The following TMC5 variants were observed in gnomAD, a reference collection of about 807,000 sequenced individuals.
TMC5 encodes transmembrane channel like 5.
In TMC5, 86 loss-of-function variants were observed where a neutral mutation model predicts 110.5. The observed-to-expected ratio is 0.78, with a 90% confidence interval of 0.65 to 0.93. The LOEUF is 0.93. Ranked by LOEUF, TMC5 falls within the 40% of genes least tolerant of loss-of-function variation. TMC5 has a pLI of 0.00. For synonymous variants in TMC5, 455 were observed against 439.5 expected, an observed-to-expected ratio of 1.04 and a Z score of -0.44; for missense variants, 1,144 against 1,222.8, an observed-to-expected ratio of 0.94 and a Z score of 0.96.
intron 6 of TMC5, chr16:19,462,392 C>T (rs1253176791): frequency 5.0e-6 from 3 of 596,326 alleles, no homozygotes; most frequent in South Asian, 2.0e-5. Context: ...GGCAAAATCC[C>T]CCTAGGTTGA....
At position 19,469,769 on chromosome 16, in the gene TMC5, G is replaced by A; in HGVS notation, c.1726G>A (p.Val576Ile). The A allele has an allele frequency of 6.2e-7, 1 of 1,614,170 alleles. No individual in the cohort carries two copies. The highest frequency in any genetic ancestry group is 8.5e-7 in the Non-Finnish European group (1 of 1,180,010). Reference sequence around the variant, plus strand: ...GCTGATCTTTTGCTGGGACTTCACTGTCACTCATGAAAAAGCTGTGAAGCT... The same window carrying A: ...GCTGATCTTTTGCTGGGACTTCACTATCACTCATGAAAAAGCTGTGAAGCT... ...TKLIFCWDFT[V>I]THEKAVKLKQ... Residue 576 changes from valine (V) to isoleucine (I), a missense_variant, in exon 10 of 22, where the codon GTC becomes ATC. Coordinates refer to ENST00000542583, the MANE Select transcript of TMC5 (RefSeq NM_001261841.2).
In TMC5 at chr16:19,464,018, T is replaced by A; in HGVS notation, c.1479T>A (p.Thr493=). The change falls in exon 8 of 22, where the codon ACT becomes ACA. Residue 493 remains threonine, a synonymous_variant. Transcript: ENST00000542583. ...TLQFTGLEFF[T]GVGYFRDTVM... ...AGTTCACTGGGCTGGAGTTTTTCAC[T>A]GGGGTGGTAAGTCCTCCACTTCCCC... The A allele has an allele frequency of 6.2e-7, 1 of 1,613,954 alleles. No homozygotes were observed. The highest frequency in any genetic ancestry group is 8.5e-7 in the Non-Finnish European group (1 of 1,179,928).
chr16:19,481,758 C>T (rs1597211270), intron 15 of TMC5, among the ~76,000 whole-genome samples: 1 of 152,332 alleles, frequency 6.6e-6, no homozygotes, highest in East Asian at 1.9e-4. Context: ...TTAACCACTG[C>T]TATGGTCTCA....
At chr16:19,456,840 T>G (rs1047170966) in intron 5 of TMC5, 2 of 1,614,228 alleles carry the variant, frequency 1.2e-6, no homozygotes, top group Non-Finnish European at 1.7e-6. Flanking sequence ...AACATGGTTT[T>G]GTCAATATCT....
At chr16:19,474,012 T>C in intron 11 of TMC5, 113 bp from the exon 12 acceptor site, 3 of 985,804 alleles carry the variant, frequency 3.0e-6, no homozygotes, top group Non-Finnish European at 4.4e-6. Context: ...AGATAAATAG[T>C]TAACCGCAGA....
intron 12 of TMC5, among the ~76,000 whole-genome samples, chr16:19,475,502 C>T (rs1185579571): frequency 6.6e-6 from 1 of 152,146 alleles, no homozygotes; most frequent in Non-Finnish European, 1.5e-5. Flanking sequence ...TGCCTTACCA[C>T]GGTCTGTGAG....
Position 19,460,309 on chromosome 16 carries a change from A to C in TMC5, c.1123A>C (p.Thr375Pro). ...RIKAIRNQPR[T>P]MEEKRNLRKI... is the part of the protein sequence containing the mutation. Reference sequence around the variant, plus strand: ...TAAAGCCATCAGGAACCAGCCAAGGACCATGGAAGAGAAAAGGAACCTTAG... The same window carrying C: ...TAAAGCCATCAGGAACCAGCCAAGGCCCATGGAAGAGAAAAGGAACCTTAG... The change falls in exon 6 of 22, where the codon ACC becomes CCC. Residue 375 changes from threonine to proline, a missense_variant. Physicochemically the swap from Thr to Pro is conservative, Grantham distance 38 (BLOSUM62 -1). Coordinates refer to ENST00000542583, the MANE Select transcript of TMC5 (RefSeq NM_001261841.2). 6.2e-7 allele frequency: 1 copy of C among 1,613,736 alleles called. No individual in the cohort carries two copies. The highest frequency in any genetic ancestry group is 8.5e-7 in the Non-Finnish European group (1 of 1,179,722).
chr16:19,464,391 T>A (rs1285780370), intron 8 of TMC5, among the ~76,000 whole-genome samples: 2 of 152,012 alleles, frequency 1.3e-5, no homozygotes, highest in African/African-American at 4.8e-5. Context: ...CCCACTGCAC[T>A]CCAGCCTGGG....
At chr16:19,439,178 T>G (rs774252357) in intron 2 of TMC5, among the ~76,000 whole-genome samples, 7 of 152,292 alleles carry the variant, frequency 4.6e-5, no homozygotes, top group Non-Finnish European at 8.8e-5. Context: ...TAAAATATGT[T>G]AGGAGGTAGC....
intron 15 of TMC5, among the ~76,000 whole-genome samples, chr16:19,484,471 G>C (rs970920649): frequency 3.3e-5 from 5 of 151,972 alleles, no homozygotes; most frequent in African/African-American, 1.2e-4. Context: ...CAGGGTTTTC[G>C]AGGGGATTAA....
chr16:19,434,408 T>C (rs1050078649), intron 2 of TMC5, among the ~76,000 whole-genome samples: 1 of 132,662 alleles, frequency 7.5e-6, no homozygotes, highest in African/African-American at 2.9e-5. Flanking sequence ...ATATATATCA[T>C]ATATATCTAT....
intron 20 of TMC5, among the ~76,000 whole-genome samples, 164 bp downstream of exon 20, chr16:19,494,530 C>T (rs4421962): frequency 0.64 from 96,650 of 152,050 alleles, 32,281 homozygotes; most frequent in South Asian, 0.76. Context: ...TATTCATGGC[C>T]AGGTGCAGTG....
chr16:19,443,837 A>G (rs1433854445), intron 3 of TMC5, among the ~76,000 whole-genome samples: 1 of 151,892 alleles, frequency 6.6e-6, no homozygotes, highest in Non-Finnish European at 1.5e-5. Context: ...GGATGGGTAC[A>G]TGGATGGATG....
chr16:19,463,829 G>A lies in TMC5; in HGVS notation c.1290G>A (p.Leu430=), dbSNP rs1170492623. 7.4e-6 allele frequency: 12 copies of A among 1,614,222 alleles called. No individual in the cohort carries two copies. Among genetic ancestry groups the A allele is most frequent in the Non-Finnish European group, 1.0e-5 (12 of 1,180,020 alleles). Residue 430 remains leucine, a synonymous_variant, in exon 8 of 22, where the codon CTG becomes CTA. Transcript: ENST00000542583. The part of the protein sequence containing the change: ...SLSEILNSIS[L]WQKTLKIIGG... ...CGGAAATTCTGAATTCCATCAGCCTGTGGCAGAAGACGCTGAAGATCATTG... is the reference window on the plus strand; with the variant it reads ...CGGAAATTCTGAATTCCATCAGCCTATGGCAGAAGACGCTGAAGATCATTG...
intron 15 of TMC5, among the ~76,000 whole-genome samples, chr16:19,486,462 C>T (rs956822851): frequency 1.3e-4 from 20 of 152,212 alleles, no homozygotes; most frequent in African/African-American, 3.6e-4. Context: ...CTGCAACCTC[C>T]GCCTCCCAGG....
Position 19,444,193 on chromosome 16 carries a change from A to G in TMC5, c.901A>G (p.Met301Val). 6 of 1,614,094 alleles carry G rather than the reference A, an allele frequency of 3.7e-6. No homozygotes were observed. The South Asian group carries it at 6.6e-5, about 18-fold the overall frequency. ...DYPEGIEMAS[M>V]EMANSYGHSL... ...CCCTGAAGGCATTGAAATGGCATCC[A>G]TGGAGATGGCAAACTCATATGGCCA... Residue 301 changes from methionine to valine, a missense_variant, in exon 4 of 22, where the codon ATG becomes GTG. Transcript: ENST00000542583.
intron 20 of TMC5, among the ~76,000 whole-genome samples, chr16:19,496,838 C>T (rs1003116010): frequency 1.5e-5 from 2 of 137,488 alleles, no homozygotes; most frequent in Non-Finnish European, 1.5e-5. Context: ...TGCAGTGAGC[C>T]GAGATCATGC....
Position 19,444,181 on chromosome 16 carries a change from G to C in TMC5, c.889G>C (p.Glu297Gln), listed in dbSNP as rs905256690. 6.2e-7 allele frequency: 1 copy of C among 1,613,968 alleles called. No individual in the cohort carries two copies. Among genetic ancestry groups the C allele is most frequent in the African/African-American group, 1.3e-5 (1 of 74,930 alleles). ...AGAGAATGATTACCCTGAAGGCATT[G>C]AAATGGCATCCATGGAGATGGCAAA... ...WGENDYPEGI[E>Q]MASMEMANSY... The change falls in exon 4 of 22, where the codon GAA becomes CAA. Residue 297 changes from glutamate to glutamine, a missense_variant. Physicochemically the swap from Glu to Gln is conservative, Grantham distance 29. Transcript: ENST00000542583.
rs1253479229 is a variant in TMC5, at chr16:19,482,889, TA to T, written c.2363+1425del. 2.6e-5 allele frequency among the ~76,000 whole-genome samples: 4 copies of T among 152,238 alleles called. 1 individual carries two copies. The highest frequency in any genetic ancestry group is 2.1e-4 in the South Asian group (1 of 4,828). ...ATTTATTTATTTTTAATTTTCTTAT[TA>T]TTTTTTTGAGACAGAGTCTTGCTCT... On this transcript the variant is annotated intron_variant, in intron 15 of 21. Coordinates refer to ENST00000542583, the MANE Select transcript of TMC5 (RefSeq NM_001261841.2).
Sources: allele counts gnomAD v4.1 joint callset (sites outside exome capture counted in the v4.1 genomes callset), GRCh38; gene constraint gnomAD v4.1.1; transcripts MANE v1.5; gene names NCBI Gene and HGNC (gene_info 2026-07-23, HGNC 2026-07-21).